Variants in DPF1 observed in about 807,000 individuals in gnomAD.
DPF1 encodes the protein double PHD fingers 1.
In DPF1, 14 loss-of-function variants were observed where a neutral mutation model predicts 58.7. That is an observed-to-expected ratio of 0.24 (90% CI 0.16 to 0.37). DPF1 has a LOEUF of 0.37. Ranked by LOEUF, DPF1 falls within the 10% of genes least tolerant of loss-of-function variation. DPF1 has a pLI of 1.00. For missense variants in DPF1, 345 were observed against 529.9 expected, an observed-to-expected ratio of 0.65 and a Z score of 3.43; for synonymous variants, 216 against 216.0, an observed-to-expected ratio of 1.00 and a Z score of 0.00.
At chr19:38,220,518 G>T (rs969135284) in intron 3 of DPF1, among the ~76,000 whole-genome samples, 1 of 151,786 alleles carries the variant, frequency 6.6e-6, no homozygotes, top group African/African-American at 2.4e-5. Flanking sequence ...CTACTCGGGA[G>T]GCTGAGGCAG....
At chr19:38,216,629 T>C in intron 7 of DPF1, 1 of 452,470 alleles carries the variant, frequency 2.2e-6, no homozygotes. Context: ...GGTCTTGGTA[T>C]GTTGCCCAGG....
In DPF1 at chr19:38,217,969, C is replaced by T. The variant is rs553492586; in HGVS notation, c.517-93G>A. 3.3e-4 allele frequency: 426 copies of T among 1,291,820 alleles called. No homozygotes were observed. In the African/African-American group the frequency reaches 4.9e-3, roughly 15 times the overall value. 80.0% of individuals were successfully genotyped at this position (1,291,820 alleles called of 1,614,324 possible). On this transcript the variant is annotated intron_variant, in intron 5 of 11. Transcript: ENST00000355526. ...CTGTAATCCCAGCACTTTGGGAGGCCGAGGCAGGCGGATCACGAGGTCAAG... is the reference window on the plus strand; with the variant it reads ...CTGTAATCCCAGCACTTTGGGAGGCTGAGGCAGGCGGATCACGAGGTCAAG...
At chr19:38,213,882 C>T in intron 9 of DPF1, 126 bp from the exon 10 acceptor site, 1 of 746,444 alleles carries the variant, frequency 1.3e-6, no homozygotes, top group South Asian at 1.7e-5. Context: ...TGCCGGGATC[C>T]ACAGCCTGAC....
rs371371086 is a variant in DPF1, at chr19:38,220,220, AAG to A, written c.299-1164_299-1163del. Among the ~76,000 whole-genome samples the A allele has an allele frequency of 1.4e-3, 209 of 150,976 alleles. 1 individual carries two copies. Among genetic ancestry groups the A allele is most frequent in the African/African-American group, 4.9e-3 (199 of 40,984 alleles). ...GAAGGAGGGAAAGAAAAGAAAAAGAAAGAGAGAGAAAGAAAGAAAGAAGGAAG... is the reference window on the plus strand; with the variant it reads ...GAAGGAGGGAAAGAAAAGAAAAAGAAAGAGAGAAAGAAAGAAAGAAGGAAG... On this transcript the variant is annotated intron_variant, in intron 3 of 11. Transcript: ENST00000355526.
At chr19:38,221,059 C>T (rs1009230593) in intron 3 of DPF1, among the ~76,000 whole-genome samples, 3 of 152,186 alleles carry the variant, frequency 2.0e-5, no homozygotes, top group Admixed American at 1.3e-4. Context: ...CACACCCAGA[C>T]ACACTCGGGA....
At chr19:38,221,037 C>T (rs1288722023) in intron 3 of DPF1, among the ~76,000 whole-genome samples, 1 of 152,096 alleles carries the variant, frequency 6.6e-6, no homozygotes, top group African/African-American at 2.4e-5. Context: ...AAGAGACGGC[C>T]GCACCGCCTA....
chr19:38,213,130 G>GGCACCCA (rs1973582389), intron 10 of DPF1, among the ~76,000 whole-genome samples: 1 of 151,896 alleles, frequency 6.6e-6, no homozygotes, highest in African/African-American at 2.4e-5. Flanking sequence ...TGGGATTACA[G>GGCACCCA]GCACCCAGCT....
intron 10 of DPF1, 135 bp downstream of exon 10, chr19:38,213,509 C>T: frequency 1.4e-6 from 1 of 728,160 alleles, no homozygotes; most frequent in Non-Finnish European, 2.3e-6. Context: ...GATTTATGGA[C>T]ACCGGCATAA....
chr19:38,221,496 C>T (rs568140021), intron 3 of DPF1, among the ~76,000 whole-genome samples: 16 of 151,260 alleles, frequency 1.1e-4, no homozygotes, highest in African/African-American at 2.9e-4. Flanking sequence ...GCTGAGATTG[C>T]GCCACTGTAC....
At chr19:38,223,091 C>A in intron 1 of DPF1, 1 of 227,988 alleles carries the variant, frequency 4.4e-6, no homozygotes, top group Middle Eastern at 1.4e-3. Context: ...ACCTCACACA[C>A]GTGCACACAT....
At chr19:38,212,415 G>C (rs890143648) in intron 10 of DPF1, 54 bp from the exon 11 acceptor site, 2 of 667,170 alleles carry the variant, frequency 3.0e-6, no homozygotes, top group Non-Finnish European at 5.1e-6. Flanking sequence ...CACCAGAAAC[G>C]GGGGTGGGGG....
intron 10 of DPF1, 98 bp from the exon 11 acceptor site, chr19:38,212,459 G>T (rs951012293): frequency 3.4e-6 from 2 of 589,862 alleles, no homozygotes; most frequent in African/African-American, 1.9e-5. Context: ...GGGGCTGGGG[G>T]AGGTGAGGCC....
intron 11 of DPF1, 29 bp from the exon 12 acceptor site, chr19:38,212,162 GCC>G: frequency 6.2e-7 from 1 of 1,600,906 alleles, no homozygotes; most frequent in Non-Finnish European, 8.5e-7. Context: ...CTGAAGTCAG[GCC>G]CGGGTCCGGG....
At chr19:38,221,613 C>A (rs1335296017) in intron 3 of DPF1, among the ~76,000 whole-genome samples, 1 of 151,920 alleles carries the variant, frequency 6.6e-6, no homozygotes, top group Non-Finnish European at 1.5e-5. Flanking sequence ...CAACTCCATA[C>A]ACCCACACAC....
Position 38,224,054 on chromosome 19 carries a change from C to T in DPF1, c.29+60G>A, listed in dbSNP as rs1043692772. 2 of 1,470,786 alleles carry T rather than the reference C, an allele frequency of 1.4e-6. No individual in the cohort carries two copies. The highest frequency in any genetic ancestry group is 2.9e-5 in the South Asian group (2 of 69,178). The allele number at this position is 1,470,786 out of a possible 1,614,324, so 91.1% of individuals were successfully genotyped here. Reference sequence around the variant, plus strand: ...CGGCCCCACCCCCGGTCGCCACACACACACAGGCCCGCGTAGACCCGCCCG... The same window carrying T: ...CGGCCCCACCCCCGGTCGCCACACATACACAGGCCCGCGTAGACCCGCCCG... On this transcript the variant is annotated intron_variant, in intron 1 of 11. Transcript: ENST00000355526. The surrounding 1 kb of genome is among the most constrained non-coding windows in gnomAD (Gnocchi z 4.5).
chr19:38,222,087 A>G lies in DPF1; in HGVS notation c.298+270T>C, dbSNP rs1289791879. 6.7e-6 allele frequency among the ~76,000 whole-genome samples: 1 copy of G among 149,396 alleles called. No individual in the cohort carries two copies. The highest frequency in any genetic ancestry group is 1.5e-5 in the Non-Finnish European group (1 of 67,444). On this transcript the variant is annotated intron_variant, in intron 3 of 11. Coordinates refer to ENST00000355526, the MANE Select transcript of DPF1 (RefSeq NM_001135155.3). This position sits in a 1 kb window ranked among gnomAD's most constrained non-coding sequence, Gnocchi z 4.9. ...ACGCCATTGCACGCCAGCCTGGGTG[A>G]AACTCTGTCTCAAAAATAAATAAAT...
chr19:38,212,533 A>G (rs1568621092), intron 10 of DPF1, 172 bp from the exon 11 acceptor site: 6 of 497,008 alleles, frequency 1.2e-5, no homozygotes. Context: ...TGCTTAGCCA[A>G]ACACATATCC....
rs763227221 is a variant in DPF1 at position 38,212,162 on chromosome 19, G to T, written c.1094-29C>A. ...CGGGGGCAGCCGAAGCTGAAGTCAG[G>T]CCCGGGTCCGGGAGGGCTGCCCCAG... On this transcript the variant is annotated intron_variant, in intron 11 of 11. Coordinates refer to ENST00000355526, the MANE Select transcript of DPF1 (RefSeq NM_001135155.3). The T allele has an allele frequency of 8.7e-6, 14 of 1,600,904 alleles. 1 individual carries two copies. The South Asian group carries it at 1.6e-4, about 18-fold the overall frequency.
chr19:38,223,496 C>T (rs1600283541), intron 1 of DPF1, among the ~76,000 whole-genome samples: 1 of 142,702 alleles, frequency 7.0e-6, no homozygotes, highest in Non-Finnish European at 1.5e-5. Context: ...CACACAGACA[C>T]ACACACATAT....
Sources: allele counts gnomAD v4.1 joint callset (sites outside exome capture counted in the v4.1 genomes callset), GRCh38; gene constraint gnomAD v4.1.1; non-coding constraint Gnocchi (gnomAD v3.1); transcripts MANE v1.5; gene names NCBI Gene and HGNC (gene_info 2026-07-23, HGNC 2026-07-21).